The following DPP10 variants were observed in gnomAD, a reference collection of about 807,000 sequenced individuals.
The protein encoded by DPP10 is dipeptidyl peptidase like 10, also known as inactive dipeptidyl peptidase 10.
DPP10 carries 33 observed loss-of-function variants against 120.9 expected under a neutral mutation model. The ratio of observed to expected loss-of-function variants is 0.27; its 90% confidence interval spans 0.21 to 0.37. The LOEUF (loss-of-function observed/expected upper bound fraction) is 0.37. Ranked by LOEUF, DPP10 falls within the 10% of genes least tolerant of loss-of-function variation. DPP10 has a pLI of 1.00. For missense variants in DPP10, 816 were observed against 942.8 expected (o/e 0.87, Z 1.76); for synonymous variants, 337 against 326.1 (o/e 1.03, Z -0.36).
At chr2:115,492,921 A>G (rs911327322) in intron 3 of DPP10, among the ~76,000 whole-genome samples, 3 of 152,084 alleles carry the variant, frequency 2.0e-5, no homozygotes, top group Non-Finnish European at 4.4e-5. Context: ...GAATTTAACA[A>G]TGCTTTGAAA....
intron 19 of DPP10, among the ~76,000 whole-genome samples, chr2:115,800,774 G>A (rs961907143): frequency 6.6e-5 from 10 of 152,096 alleles, no homozygotes; most frequent in South Asian, 2.1e-4. Context: ...CTGAGGCTCT[G>A]TTCTGTTCCA....
chr2:114,467,082 T>C (rs1573411657), intron 1 of DPP10, among the ~76,000 whole-genome samples: 2 of 151,398 alleles, frequency 1.3e-5, no homozygotes, highest in East Asian at 2.0e-4. Flanking sequence ...TTTAGAGCCC[T>C]ACACTGACAG....
intron 1 of DPP10, among the ~76,000 whole-genome samples, chr2:114,718,079 A>G (rs966872923): frequency 2.0e-5 from 3 of 151,928 alleles, no homozygotes; most frequent in Non-Finnish European, 4.4e-5. Context: ...GTTATCTAAA[A>G]TAATAACAAA....
chr2:115,286,501 T>TTAC (rs1559366601), intron 1 of DPP10, among the ~76,000 whole-genome samples: 664 of 53,144 alleles, frequency 0.012, 40 homozygotes, highest in African/African-American at 0.034. Flanking sequence ...AATATATATA[T>TTAC]ATTACATATA....
At chr2:114,894,437 G>A (rs1277901779) in intron 1 of DPP10, among the ~76,000 whole-genome samples, 1 of 152,132 alleles carries the variant, frequency 6.6e-6, no homozygotes, top group African/African-American at 2.4e-5. Flanking sequence ...TCTAAGGTTT[G>A]CCTATTCCGT....
intron 1 of DPP10, among the ~76,000 whole-genome samples, chr2:114,873,115 G>A (rs1024451649): frequency 6.6e-6 from 1 of 152,202 alleles, no homozygotes; most frequent in African/African-American, 2.4e-5. Context: ...TCTGCACTGA[G>A]AGCATCATTC....
At chr2:115,514,689 T>G (rs1036119749) in intron 4 of DPP10, among the ~76,000 whole-genome samples, 8 of 151,848 alleles carry the variant, frequency 5.3e-5, no homozygotes, top group Non-Finnish European at 4.4e-5. Context: ...ACTATCCACA[T>G]TACAAGTTTT....
intron 1 of DPP10, among the ~76,000 whole-genome samples, chr2:115,174,783 A>G (rs1386010841): frequency 6.6e-6 from 1 of 152,188 alleles, no homozygotes; most frequent in Non-Finnish European, 1.5e-5. Flanking sequence ...CAACTTCTTA[A>G]GTCATGTTAT....
chr2:115,461,397 G>C (rs1057397423), intron 3 of DPP10, among the ~76,000 whole-genome samples: 1 of 152,092 alleles, frequency 6.6e-6, no homozygotes, highest in Non-Finnish European at 1.5e-5. Flanking sequence ...GTTGATGTTG[G>C]TCAAAAGGTG....
At chr2:115,060,003 T>G (rs2105386626) in intron 1 of DPP10, among the ~76,000 whole-genome samples, 1 of 152,230 alleles carries the variant, frequency 6.6e-6, no homozygotes, top group East Asian at 1.9e-4. Flanking sequence ...GTACTCTCAA[T>G]GTTTCCAACC....
Position 114,614,956 on chromosome 2 carries a change from A to G in DPP10, c.60+172118A>G, listed in dbSNP as rs545909016. Among the ~76,000 whole-genome samples, 14 of 152,322 alleles carry G rather than the reference A, an allele frequency of 9.2e-5. No homozygotes were observed. In the South Asian group the frequency reaches 2.3e-3, roughly 25 times the overall value. The stretch of plus-strand genomic sequence containing the variant: ...TTTAGAATTCTGAAACAAGGGGAGC[A>G]GTGAAGGAAACCACCCAAAATACTG... On this transcript the variant is annotated intron_variant, in intron 1 of 25. Coordinates refer to ENST00000410059, the MANE Select transcript of DPP10 (RefSeq NM_020868.6).
chr2:115,528,778 A>C (rs1032517736), intron 5 of DPP10, among the ~76,000 whole-genome samples: 1 of 152,152 alleles, frequency 6.6e-6, no homozygotes, highest in African/African-American at 2.4e-5. Flanking sequence ...GATTGTTTGT[A>C]TGATTTCATC....
chr2:115,605,525 C>CT (rs1324893594), intron 5 of DPP10, among the ~76,000 whole-genome samples: 12 of 152,026 alleles, frequency 7.9e-5, no homozygotes, highest in African/African-American at 2.7e-4. Context: ...AAGGGAAGTA[C>CT]TCGGCATTTG....
At chr2:114,757,439 A>G (rs1441170880) in intron 1 of DPP10, among the ~76,000 whole-genome samples, 1 of 149,792 alleles carries the variant, frequency 6.7e-6, no homozygotes, top group Non-Finnish European at 1.5e-5. Context: ...GGAAGGAAGG[A>G]AAAAAGATTC....
chr2:114,747,222 G>A (rs1472138007), intron 1 of DPP10, among the ~76,000 whole-genome samples: 1 of 152,058 alleles, frequency 6.6e-6, no homozygotes, highest in Non-Finnish European at 1.5e-5. Context: ...TATTCCTTTA[G>A]GATGCTTCTT....
At chr2:114,551,308 C>T (rs1687868325) in intron 1 of DPP10, among the ~76,000 whole-genome samples, 1 of 152,042 alleles carries the variant, frequency 6.6e-6, no homozygotes, top group African/African-American at 2.4e-5. Context: ...TGCCCGCTGC[C>T]CCCCTGCCTG....
chr2:115,122,070 T>C (rs1158769995), intron 1 of DPP10, among the ~76,000 whole-genome samples: 6 of 152,236 alleles, frequency 3.9e-5, no homozygotes, highest in African/African-American at 1.4e-4. Context: ...ACATCCTTTC[T>C]AGTTTTCCTA....
At chr2:115,536,470 C>G (rs533864802) in intron 5 of DPP10, among the ~76,000 whole-genome samples, 7 of 152,056 alleles carry the variant, frequency 4.6e-5, no homozygotes, top group African/African-American at 1.7e-4. Flanking sequence ...GCAACGAACA[C>G]TAATAAATAT....
At chr2:115,707,202 A>G (rs1052230772) in intron 7 of DPP10, among the ~76,000 whole-genome samples, 2 of 151,946 alleles carry the variant, frequency 1.3e-5, no homozygotes, top group African/African-American at 4.8e-5. Context: ...AAAAGTAGAT[A>G]GGAAATCAGT....
Sources: allele counts gnomAD v4.1 joint callset (sites outside exome capture counted in the v4.1 genomes callset), GRCh38; gene constraint gnomAD v4.1.1; transcripts MANE v1.5; gene names NCBI Gene and HGNC (gene_info 2026-07-23, HGNC 2026-07-21).